The following BCL7A variants were observed in gnomAD, a reference collection of about 807,000 sequenced individuals.
BCL7A encodes the protein B-cell CLL/lymphoma 7 protein family member A.
A neutral mutation model predicts 28.4 loss-of-function variants in BCL7A; 11 were observed. The observed-to-expected ratio is 0.39, with a 90% CI of 0.24 to 0.64. BCL7A has a LOEUF of 0.64. BCL7A is among the 30% of genes least tolerant of loss of function. The probability of loss-of-function intolerance (pLI) is 0.50; values close to 1 mark genes in which losing one functional copy is unlikely to be tolerated. For synonymous variants in BCL7A, 123 were observed against 103.3 expected, an observed-to-expected ratio of 1.19 and a Z score of -1.15; for missense variants, 222 against 274.8, an observed-to-expected ratio of 0.81 and a Z score of 1.36.
rs749987629 is a variant in BCL7A at position 122,046,218 on chromosome 12, G to A, written c.439+2165G>A. Among the ~76,000 whole-genome samples the A allele has an allele frequency of 1.3e-4, 20 of 152,210 alleles. No homozygotes were observed. In the South Asian group the frequency reaches 1.9e-3, roughly 14 times the overall value. Reference sequence around the variant, plus strand: ...TTGGGCAGTACATAGGGGTGAGTGCGGACCTGAGGGCAACTCTGGGCACCT... The same window carrying A: ...TTGGGCAGTACATAGGGGTGAGTGCAGACCTGAGGGCAACTCTGGGCACCT... On this transcript the variant is annotated intron_variant, in intron 4 of 5. Transcript: ENST00000261822.
intron 4 of BCL7A, among the ~76,000 whole-genome samples, chr12:122,048,183 G>A (rs907959905): frequency 4.6e-5 from 7 of 151,852 alleles, no homozygotes; most frequent in African/African-American, 4.8e-5. Context: ...GATTATAGGC[G>A]TGAGCCACTG....
intron 5 of BCL7A, among the ~76,000 whole-genome samples, chr12:122,056,991 GC>G (rs1951882710): frequency 6.6e-6 from 1 of 152,188 alleles, no homozygotes; most frequent in Non-Finnish European, 1.5e-5. Context: ...TGGACCAGGG[GC>G]TATACCTAAT....
At chr12:122,037,989 C>A (rs377580027) in intron 3 of BCL7A, among the ~76,000 whole-genome samples, 9 of 151,800 alleles carry the variant, frequency 5.9e-5, no homozygotes, top group African/African-American at 1.9e-4. Context: ...GGTGTAGTGG[C>A]GGGCACCTGT....
chr12:122,049,540 G>T (rs992099751), intron 4 of BCL7A, among the ~76,000 whole-genome samples: 1 of 152,016 alleles, frequency 6.6e-6, no homozygotes, highest in Non-Finnish European at 1.5e-5. Flanking sequence ...AAAATAGCCC[G>T]GTGTGGTGGT....
At position 122,048,878 on chromosome 12, in the gene BCL7A, G is replaced by A. The variant is rs768526743; in HGVS notation, c.439+4825G>A. Among the ~76,000 whole-genome samples, 20 of 151,772 alleles carry A rather than the reference G, an allele frequency of 1.3e-4. 1 individual carries two copies. The highest frequency in any genetic ancestry group is 1.3e-4 in the Admixed American group (2 of 15,198). ...CTACTAAAAATACAAAAAATTAGCT[G>A]GGTGTGGTGGCGAGCACCTGTAATC... On this transcript the variant is annotated intron_variant, in intron 4 of 5. Transcript: ENST00000261822.
intron 1 of BCL7A, among the ~76,000 whole-genome samples, chr12:122,030,365 C>T (rs1200037538): frequency 2.0e-5 from 3 of 152,226 alleles, no homozygotes; most frequent in Non-Finnish European, 4.4e-5. Flanking sequence ...GCGCGGGTGG[C>T]CCAGTCCACT....
At chr12:122,034,201 A>G (rs1883800959) in intron 2 of BCL7A, among the ~76,000 whole-genome samples, 1 of 6,534 alleles carries the variant, frequency 1.5e-4, no homozygotes, top group African/African-American at 8.4e-4. Context: ...ATATATATAT[A>G]TATATATATA....
chr12:122,044,904 G>C (rs2135853067), intron 4 of BCL7A, among the ~76,000 whole-genome samples: 1 of 152,290 alleles, frequency 6.6e-6, no homozygotes, highest in South Asian at 2.1e-4. Flanking sequence ...GTGTGGCAGA[G>C]AATTATAAAG....
chr12:122,024,606 T>C (rs2135836522), intron 1 of BCL7A, among the ~76,000 whole-genome samples: 1 of 152,248 alleles, frequency 6.6e-6, no homozygotes, highest in African/African-American at 2.4e-5. Context: ...GGGTTGTTTA[T>C]TAATTGTGTG....
Position 122,035,323 on chromosome 12 carries a change from C to A in BCL7A, c.175-8C>A. 1.2e-6 allele frequency: 2 copies of A among 1,612,850 alleles called. No individual in the cohort carries two copies. The highest frequency in any genetic ancestry group is 1.7e-6 in the Non-Finnish European group (2 of 1,178,902). On this transcript the variant is annotated splice_polypyrimidine_tract_variant and splice_region_variant and intron_variant, in intron 2 of 5. Transcript: ENST00000261822. ...GTGACTTGGTTTCTGCTCCATTTTC[C>A]CCTGCAGAAAAACAAGAATAAGAAA...
chr12:122,057,433 G>C (rs1951886406), intron 5 of BCL7A, among the ~76,000 whole-genome samples: 1 of 152,216 alleles, frequency 6.6e-6, no homozygotes, highest in Non-Finnish European at 1.5e-5. Context: ...GGAATGCTTT[G>C]TATTTGTAAG....
Position 122,029,735 on chromosome 12 carries a change from G to T in BCL7A, c.93-965G>T, listed in dbSNP as rs553177716. Among the ~76,000 whole-genome samples the T allele has an allele frequency of 1.3e-5, 2 of 152,268 alleles. No homozygotes were observed. The highest frequency in any genetic ancestry group is 2.9e-5 in the Non-Finnish European group (2 of 68,020). ...CGGTTCCAACCCCAGCCCTGCTTCT[G>T]GGAGGCTCTCCTGAGCCTCAGTCCC... On this transcript the variant is annotated intron_variant, in intron 1 of 5. Coordinates refer to ENST00000261822, the MANE Select transcript of BCL7A (RefSeq NM_001024808.3). The surrounding 1 kb of genome is among the most constrained non-coding windows in gnomAD (Gnocchi z 4.3).
Position 122,059,442 on chromosome 12 carries a change from G to A in BCL7A, c.*279G>A, listed in dbSNP as rs1951901858. On this transcript the variant is annotated 3_prime_UTR_variant, in exon 6 of 6. Coordinates refer to ENST00000261822, the MANE Select transcript of BCL7A (RefSeq NM_001024808.3). The surrounding 1 kb of genome is among the most constrained non-coding windows in gnomAD (Gnocchi z 4.0). ...GTCTGCACACTGTCTCGGAAGCCAG[G>A]ATTCCATTTGTGTTGCTGCTGTATT... The A allele has an allele frequency of 5.7e-6, 2 of 349,050 alleles. No individual in the cohort carries two copies. The highest frequency in any genetic ancestry group is 2.0e-5 in the African/African-American group (1 of 48,896). 21.6% of individuals were successfully genotyped at this position (349,050 alleles called of 1,614,324 possible).
At chr12:122,042,376 C>T (rs1056322407) in intron 3 of BCL7A, among the ~76,000 whole-genome samples, 2 of 151,412 alleles carry the variant, frequency 1.3e-5, no homozygotes, top group South Asian at 2.1e-4. Flanking sequence ...AGCTAGTGGC[C>T]GGGTGTGATG....
intron 1 of BCL7A, among the ~76,000 whole-genome samples, chr12:122,023,691 C>T (rs750263250): frequency 7.9e-5 from 12 of 152,296 alleles, no homozygotes; most frequent in Non-Finnish European, 1.2e-4. Flanking sequence ...GGGAGCTCCC[C>T]TGGTACACAG....
At chr12:122,045,622 A>C (rs958631797) in intron 4 of BCL7A, among the ~76,000 whole-genome samples, 2 of 152,126 alleles carry the variant, frequency 1.3e-5, no homozygotes, top group Admixed American at 6.6e-5. Context: ...GAGTCTCTAC[A>C]GAAAAATTAA....
intron 1 of BCL7A, among the ~76,000 whole-genome samples, chr12:122,027,894 T>C (rs903000975): frequency 1.4e-4 from 22 of 152,002 alleles, no homozygotes; most frequent in African/African-American, 4.6e-4. Flanking sequence ...AATACCCTCA[T>C]TGGGGAAGAG....
At chr12:122,022,457 T>C (rs1883486134) in intron 1 of BCL7A, among the ~76,000 whole-genome samples, 1 of 143,530 alleles carries the variant, frequency 7.0e-6, no homozygotes, top group African/African-American at 2.5e-5. Context: ...GCCAGGCGGT[T>C]GGAGCGGCGG....
intron 4 of BCL7A, among the ~76,000 whole-genome samples, chr12:122,049,396 G>A (rs548605490): frequency 2.4e-4 from 37 of 151,886 alleles, no homozygotes; most frequent in African/African-American, 8.7e-4. Context: ...AAATATGCTG[G>A]AGAGGCCGGG....
Sources: gnomAD v4.1 joint callset for allele counts (sites outside exome capture counted in the v4.1 genomes callset) on GRCh38, gnomAD v4.1.1 for gene constraint, Gnocchi (gnomAD v3.1) non-coding constraint, MANE v1.5 for transcripts, NCBI Gene and HGNC (gene_info 2026-07-23, HGNC 2026-07-21) for gene names.